The following NRCAM variants were observed in gnomAD, a reference collection of about 807,000 sequenced individuals.
NRCAM encodes neuronal cell adhesion molecule, also known as NgCAM-related cell adhesion molecule.
In NRCAM, 83 loss-of-function variants were observed where a neutral mutation model predicts 156.5. That is an observed-to-expected ratio of 0.53 (90% confidence interval 0.44 to 0.64). The LOEUF (loss-of-function observed/expected upper bound fraction) is 0.64. Among genes scored for constraint, NRCAM ranks in the 30% least tolerant of loss-of-function variants. NRCAM has a pLI of 0.00. For missense variants in NRCAM, 1,417 were observed against 1,597.3 expected, an observed-to-expected ratio of 0.89 and a Z score of 1.92; for synonymous variants, 538 against 563.9, an observed-to-expected ratio of 0.95 and a Z score of 0.65.
chr7:108,322,904 T>C (rs1593322074), intron 2 of NRCAM, among the ~76,000 whole-genome samples: 1 of 152,202 alleles, frequency 6.6e-6, no homozygotes, highest in East Asian at 1.9e-4. Context: ...AATCAAATTA[T>C]GAATTAAATA....
intron 25 of NRCAM, among the ~76,000 whole-genome samples, chr7:108,179,729 C>T (rs1171538808): frequency 6.6e-6 from 1 of 152,132 alleles, no homozygotes; most frequent in Non-Finnish European, 1.5e-5. Context: ...AGACTTGCAA[C>T]CTTCTAACTC....
Position 108,407,140 on chromosome 7 carries a change from C to CT in NRCAM, c.-331-7548dup, listed in dbSNP as rs558483471. ...TATTTTTCTTGTGTGTCTGTATTCA[C>CT]TTTTTTCAGAATAGAAGTGGTATCA... is the stretch of plus-strand genomic sequence containing the variant. On this transcript the variant is annotated intron_variant, in intron 1 of 32. Transcript: ENST00000379028. Among the ~76,000 whole-genome samples, 228 of 152,184 alleles carry CT rather than the reference C, an allele frequency of 1.5e-3. 1 individual carries two copies. The highest frequency in any genetic ancestry group is 5.3e-3 in the African/African-American group (219 of 41,538).
At chr7:108,417,783 C>T (rs933567515) in intron 1 of NRCAM, among the ~76,000 whole-genome samples, 5 of 151,740 alleles carry the variant, frequency 3.3e-5, no homozygotes, top group African/African-American at 1.2e-4. Context: ...TTTTCTTTTG[C>T]AAGTTACAGA....
At chr7:108,372,981 A>G (rs1372414191) in intron 2 of NRCAM, among the ~76,000 whole-genome samples, 2 of 152,162 alleles carry the variant, frequency 1.3e-5, no homozygotes, top group Non-Finnish European at 2.9e-5. Context: ...GGGTAAAGAA[A>G]ACATATATAC....
At chr7:108,341,619 T>G (rs2099278112) in intron 2 of NRCAM, among the ~76,000 whole-genome samples, 1 of 152,126 alleles carries the variant, frequency 6.6e-6, no homozygotes, top group African/African-American at 2.4e-5. Context: ...AATCCTGAAG[T>G]CTGGGCAACA....
At chr7:108,294,179 C>A (rs2098400869) in intron 3 of NRCAM, among the ~76,000 whole-genome samples, 2 of 146,470 alleles carry the variant, frequency 1.4e-5, no homozygotes, top group Non-Finnish European at 3.0e-5. Flanking sequence ...GAAAAGCCAG[C>A]ACTTTCTTTA....
At chr7:108,432,412 A>G (rs900636106) in intron 1 of NRCAM, among the ~76,000 whole-genome samples, 1 of 152,254 alleles carries the variant, frequency 6.6e-6, no homozygotes, top group Non-Finnish European at 1.5e-5. Flanking sequence ...AGTAAGCAGG[A>G]GCATAAGCAT....
chr7:108,164,547 C>CGAGAG (rs1554491789), intron 30 of NRCAM, among the ~76,000 whole-genome samples: 2 of 145,736 alleles, frequency 1.4e-5, no homozygotes, highest in Non-Finnish European at 3.0e-5. Context: ...ACCGCGGAAC[C>CGAGAG]GAGAGGAGAG....
chr7:108,369,241 C>G (rs2099613306), intron 2 of NRCAM, among the ~76,000 whole-genome samples: 1 of 151,910 alleles, frequency 6.6e-6, no homozygotes. Context: ...ATTATAATTA[C>G]AAAACATCTA....
intron 3 of NRCAM, among the ~76,000 whole-genome samples, chr7:108,270,348 C>A (rs948802367): frequency 6.6e-6 from 1 of 152,160 alleles, no homozygotes; most frequent in African/African-American, 2.4e-5. Context: ...CAAGCACCCC[C>A]CTTCAAGGTT....
intron 2 of NRCAM, among the ~76,000 whole-genome samples, chr7:108,380,829 T>G (rs933567279): frequency 2.0e-5 from 3 of 152,312 alleles, no homozygotes; most frequent in African/African-American, 7.2e-5. Flanking sequence ...GACCAGAATC[T>G]AGGCCACCTA....
chr7:108,334,114 A>G (rs1295597602), intron 2 of NRCAM, among the ~76,000 whole-genome samples: 1 of 152,204 alleles, frequency 6.6e-6, no homozygotes, highest in Non-Finnish European at 1.5e-5. Flanking sequence ...TTTTTGTCAC[A>G]ACATCAAGAA....
intron 2 of NRCAM, among the ~76,000 whole-genome samples, chr7:108,383,968 T>C (rs2099721292): frequency 6.6e-6 from 1 of 152,112 alleles, no homozygotes. Context: ...GATGAGAACA[T>C]GAGGTATTTG....
chr7:108,368,229 C>CG (rs200911308), intron 2 of NRCAM, among the ~76,000 whole-genome samples: 3,156 of 102,554 alleles, frequency 0.031, 82 homozygotes, highest in South Asian at 0.11. Context: ...TTCATACCCC[C>CG]CCCCACCCCC....
intron 3 of NRCAM, among the ~76,000 whole-genome samples, chr7:108,309,857 A>G (rs1330423678): frequency 1.3e-5 from 2 of 152,204 alleles, no homozygotes; most frequent in African/African-American, 4.8e-5. Context: ...CTCCATCTCA[A>G]GAAAGAAATA....
In NRCAM at chr7:108,388,288, T is replaced by C. The variant is rs1302500939; in HGVS notation, c.-174+11148A>G. Among the ~76,000 whole-genome samples, 6 of 152,236 alleles carry C rather than the reference T, an allele frequency of 3.9e-5. No homozygotes were observed. The East Asian group carries it at 1.2e-3, about 29-fold the overall frequency. On this transcript the variant is annotated intron_variant, in intron 2 of 32. Transcript: ENST00000379028. ...AGATGGTATCTCATTGTGGTTTTGA[T>C]TTGCATTTCCCTGATGGCCAGTGAT... is the stretch of plus-strand genomic sequence containing the variant.
rs1311324899 is a variant in NRCAM, at chr7:108,226,394, G to A, written c.551-16C>T. The A allele has an allele frequency of 1.9e-5, 31 of 1,598,792 alleles. No individual in the cohort carries two copies. Among genetic ancestry groups the A allele is most frequent in the Non-Finnish European group, 2.6e-5 (30 of 1,168,676 alleles). On this transcript the variant is annotated splice_polypyrimidine_tract_variant and intron_variant, in intron 8 of 32. Transcript: ENST00000379028. The stretch of plus-strand genomic sequence containing the variant: ...CTTTGAAAGGCTGGAGAAAGGCAGA[G>A]AGATATCAAGATTATTCCATCATAA...
Position 108,173,899 on chromosome 7 carries a change from A to T in NRCAM, c.3187+1423T>A, listed in dbSNP as rs552157956. ...TGTTTTTCCAGTGGAGTGCATATCT[A>T]CTTCTAACGTGACAAGTCCACTGAG... On this transcript the variant is annotated intron_variant, in intron 28 of 32. Transcript: ENST00000379028. Among the ~76,000 whole-genome samples, 5 of 152,280 alleles carry T rather than the reference A, an allele frequency of 3.3e-5. No homozygotes were observed. The South Asian group carries it at 1.0e-3, about 32-fold the overall frequency.
In NRCAM at chr7:108,181,931, A is replaced by G. The variant is rs1013842094; in HGVS notation, c.2537T>C (p.Met846Thr). The G allele has an allele frequency of 8.7e-6, 14 of 1,611,656 alleles. No individual in the cohort carries two copies. The highest frequency in any genetic ancestry group is 1.1e-5 in the Non-Finnish European group (13 of 1,177,856). Residue 846 changes from methionine (M) to threonine (T), a missense_variant, in exon 24 of 33, where the codon ATG becomes ACG. By Grantham distance (81) the Met-to-Thr change is moderately conservative. This residue lies in a region of NRCAM where 1,238 missense variants were observed against 1,336.4 expected (regional missense o/e 0.93). Coordinates refer to ENST00000379028, the MANE Select transcript of NRCAM (RefSeq NM_001037132.4). ...CACACGCACGTTCCCAGGAGCCACC[A>G]TTGGGACTAGGAAAAGGACAGGGAA... is the stretch of plus-strand genomic sequence containing the variant. ...VMGHSGEDLP[M>T]VAPGNVRVNV...
Sources: gnomAD v4.1 joint callset for allele counts (sites outside exome capture counted in the v4.1 genomes callset) on GRCh38, gnomAD v4.1.1 for gene constraint, gnomAD v4.1.1 regional missense constraint, MANE v1.5 for transcripts, NCBI Gene and HGNC (gene_info 2026-07-23, HGNC 2026-07-21) for gene names.